The following TENM4 variants were observed in gnomAD, a reference collection of about 807,000 sequenced individuals.
The protein encoded by TENM4 is teneurin-4.
Under a neutral mutation model 243.3 loss-of-function variants are expected in TENM4, and 82 were observed. The observed-to-expected ratio is 0.34, with a 90% CI of 0.28 to 0.40. The LOEUF is 0.40. Ranked by LOEUF, TENM4 falls within the 10% of genes least tolerant of loss-of-function variation. TENM4 has a pLI of 1.00. For missense variants in TENM4, 3,138 were observed against 3,673.3 expected (o/e 0.85, Z 3.77); for synonymous variants, 1,412 against 1,456.3 (o/e 0.97, Z 0.69).
intron 14 of TENM4, among the ~76,000 whole-genome samples, chr11:78,810,163 C>T (rs1857468065): frequency 6.6e-6 from 1 of 152,092 alleles, no homozygotes; most frequent in Non-Finnish European, 1.5e-5. Flanking sequence ...AGGACAAAGG[C>T]CCCAAGAAAA....
rs771852058 is a variant in TENM4, at chr11:78,702,181, T to G, written c.4432A>C (p.Asn1478His). ...ESATALAVSH[N>H]GVLYIAETDE... ...GTCTCAGCAATATACAGGACCCCAT[T>G]GTGTGAAACAGCCAAAGCGGTGGCT... Residue 1478 changes from asparagine to histidine, a missense_variant, in exon 28 of 34, where the codon AAT becomes CAT. Asn to His is a moderately conservative substitution (Grantham distance 68). Transcript: ENST00000278550. 9 of 1,613,886 alleles carry G rather than the reference T, an allele frequency of 5.6e-6. No individual in the cohort carries two copies. The highest frequency in any genetic ancestry group is 7.6e-6 in the Non-Finnish European group (9 of 1,179,898).
chr11:78,996,911 G>T (rs577408196), intron 6 of TENM4, among the ~76,000 whole-genome samples: 3 of 152,160 alleles, frequency 2.0e-5, no homozygotes, highest in Non-Finnish European at 2.9e-5. Context: ...TAGTCAGAGA[G>T]AATATTAACA....
At chr11:79,138,372 TATA>T (rs1272520248) in intron 4 of TENM4, among the ~76,000 whole-genome samples, 4 of 122,136 alleles carry the variant, frequency 3.3e-5, no homozygotes, top group Non-Finnish European at 6.4e-5. Context: ...ATAATATAAA[TATA>T]ATATATATTA....
chr11:78,983,883 T>TCAAATCACTAACAG (rs1857861369), intron 6 of TENM4, among the ~76,000 whole-genome samples: 1 of 152,220 alleles, frequency 6.6e-6, no homozygotes, highest in African/African-American at 2.4e-5. Flanking sequence ...TTTGTGACCT[T>TCAAATCACTAACAG]GAGCAAATCA....
rs749611883 is a variant in TENM4 at position 78,738,560 on chromosome 11, C to G, written c.2767G>C (p.Val923Leu). ...ENPFDGGHACVIRGQVMTSDG... is the reference protein window; with the variant it reads ...ENPFDGGHACLIRGQVMTSDG... Reference sequence around the variant, plus strand: ...GATGTCATCACTTGGCCACGAATAACACAAGCATGCCTGTGGGAAGAGAAG... The same window carrying G: ...GATGTCATCACTTGGCCACGAATAAGACAAGCATGCCTGTGGGAAGAGAAG... The change falls in exon 20 of 34, where the codon GTT becomes CTT. Residue 923 changes from valine (V) to leucine (L), a missense_variant. Physicochemically the swap from Val to Leu is conservative, Grantham distance 32 (BLOSUM62 1). This residue lies in a region of TENM4 where 2,467 missense variants were observed against 3,059.1 expected (regional missense o/e 0.81). Transcript: ENST00000278550. 6.2e-7 allele frequency: 1 copy of G among 1,613,642 alleles called. No individual in the cohort carries two copies. The highest frequency in any genetic ancestry group is 8.5e-7 in the Non-Finnish European group (1 of 1,179,728).
At chr11:79,365,307 A>AT (rs564458399) in intron 1 of TENM4, among the ~76,000 whole-genome samples, 1 of 152,176 alleles carries the variant, frequency 6.6e-6, no homozygotes, top group Non-Finnish European at 1.5e-5. Flanking sequence ...ATCCCAGCCC[A>AT]TGGGCCCTTC....
Position 78,658,553 on chromosome 11 carries a change from C to T in TENM4, c.7815G>A (p.Glu2605=), listed in dbSNP as rs201429886. Residue 2605 remains glutamate, a synonymous_variant, in exon 34 of 34, where the codon GAG becomes GAA. Transcript: ENST00000278550. ...AAILNHAHYL[E]NLHFTIDGVD... ...CCCCATCAATGGTGAAGTGCAGGTTCTCTAGGTAGTGGGCATGGTTCAAGA... is the reference window on the plus strand; with the variant it reads ...CCCCATCAATGGTGAAGTGCAGGTTTTCTAGGTAGTGGGCATGGTTCAAGA... 1 of 1,614,022 alleles carries T rather than the reference C, an allele frequency of 6.2e-7. No individual in the cohort carries two copies. Among genetic ancestry groups the T allele is most frequent in the African/African-American group, 1.3e-5 (1 of 75,064 alleles).
intron 6 of TENM4, among the ~76,000 whole-genome samples, chr11:78,970,396 G>T (rs561770508): frequency 6.6e-6 from 1 of 152,124 alleles, no homozygotes; most frequent in Non-Finnish European, 1.5e-5. Flanking sequence ...GTGACTATTC[G>T]TTCGGGTTTG....
At chr11:79,279,445 G>A (rs1203920086) in intron 2 of TENM4, among the ~76,000 whole-genome samples, 1 of 152,208 alleles carries the variant, frequency 6.6e-6, no homozygotes. Context: ...AGCCCAGCAA[G>A]GTGGGAGCAC....
chr11:79,330,953 A>T (rs546093925), intron 1 of TENM4, among the ~76,000 whole-genome samples: 92 of 152,294 alleles, frequency 6.0e-4, no homozygotes, highest in African/African-American at 2.1e-3. Flanking sequence ...CCTCACCAAG[A>T]TCTGCAGATG....
At chr11:79,241,861 TAG>T (rs1275305970) in intron 2 of TENM4, among the ~76,000 whole-genome samples, 5 of 152,158 alleles carry the variant, frequency 3.3e-5, no homozygotes, top group African/African-American at 1.2e-4. Flanking sequence ...GGTAAAAAAC[TAG>T]CAAGGGGGCG....
At chr11:78,816,643 G>A (rs1161322140) in intron 12 of TENM4, among the ~76,000 whole-genome samples, 1 of 152,236 alleles carries the variant, frequency 6.6e-6, no homozygotes, top group Non-Finnish European at 1.5e-5. Flanking sequence ...TGACTTGCCC[G>A]AGGTCTCAGA....
At chr11:79,016,909 G>A (rs1858789013) in intron 6 of TENM4, among the ~76,000 whole-genome samples, 1 of 152,168 alleles carries the variant, frequency 6.6e-6, no homozygotes, top group Non-Finnish European at 1.5e-5. Flanking sequence ...TACTTGCTGG[G>A]TGACTTTTTG....
At chr11:79,364,759 A>G (rs1383039547) in intron 1 of TENM4, among the ~76,000 whole-genome samples, 1 of 152,170 alleles carries the variant, frequency 6.6e-6, no homozygotes, top group Admixed American at 6.5e-5. Context: ...TGACAGTTTA[A>G]CCCCAGCCCA....
intron 2 of TENM4, among the ~76,000 whole-genome samples, chr11:79,236,486 GCTCT>G (rs1423786902): frequency 4.6e-5 from 7 of 152,026 alleles, no homozygotes; most frequent in Non-Finnish European, 8.8e-5. Flanking sequence ...AAGTTTCTGC[GCTCT>G]CTCTTTCTCG....
At chr11:78,690,670 G>A (rs1858797175) in intron 28 of TENM4, among the ~76,000 whole-genome samples, 1 of 152,060 alleles carries the variant, frequency 6.6e-6, no homozygotes, top group Admixed American at 6.5e-5. Context: ...GGTACTCCAA[G>A]TTTTTGAGCT....
chr11:78,789,347 G>T (rs1026105901), intron 15 of TENM4, among the ~76,000 whole-genome samples: 4 of 152,152 alleles, frequency 2.6e-5, no homozygotes, highest in Non-Finnish European at 5.9e-5. Flanking sequence ...CAGCCCCCTA[G>T]GATGTTGTTC....
chr11:78,954,322 G>A (rs747104666), intron 6 of TENM4, among the ~76,000 whole-genome samples: 21 of 152,236 alleles, frequency 1.4e-4, no homozygotes, highest in Non-Finnish European at 2.4e-4. Context: ...TGAGCAGGCT[G>A]TGTGGGGGCA....
chr11:79,349,930 T>C (rs1177468979), intron 1 of TENM4, among the ~76,000 whole-genome samples: 3 of 152,152 alleles, frequency 2.0e-5, no homozygotes, highest in Non-Finnish European at 4.4e-5. Flanking sequence ...CATGTCTGGA[T>C]CCAGGAAGCC....
Sources: allele counts gnomAD v4.1 joint callset (sites outside exome capture counted in the v4.1 genomes callset), GRCh38; gene constraint gnomAD v4.1.1; regional missense constraint gnomAD v4.1.1; transcripts MANE v1.5; gene names NCBI Gene and HGNC (gene_info 2026-07-23, HGNC 2026-07-21).